DNA2: variants seen among roughly 807,000 people sequenced by gnomAD.
DNA2 encodes DNA replication ATP-dependent helicase/nuclease DNA2.
DNA2 carries 101 observed loss-of-function variants against 119.1 expected under a neutral mutation model. That is an observed-to-expected ratio of 0.85 (90% CI 0.72 to 1.00). DNA2 has a LOEUF of 1.00. Among genes scored for constraint, DNA2 ranks in the 50% least tolerant of loss-of-function variants. The pLI is 0.00. For synonymous variants in DNA2, 366 were observed against 424.4 expected, an observed-to-expected ratio of 0.86 and a Z score of 1.69; for missense variants, 1,121 against 1,255.5, an observed-to-expected ratio of 0.89 and a Z score of 1.62.
chr10:68,416,930 T>A, intron 19 of DNA2, 75 bp from the exon 20 acceptor site: 1 of 1,270,808 alleles, frequency 7.9e-7, no homozygotes, highest in Non-Finnish European at 1.1e-6. Context: ...CCCTACACAA[T>A]GGACACCTGT....
At chr10:68,425,457 G>A (rs1164518001) in intron 14 of DNA2, among the ~76,000 whole-genome samples, 3 of 146,296 alleles carry the variant, frequency 2.1e-5, no homozygotes, top group Non-Finnish European at 4.5e-5. Context: ...CTGGAGTACA[G>A]TGGCGGCGAT....
chr10:68,467,626 C>T (rs947053843), intron 3 of DNA2, among the ~76,000 whole-genome samples: 22 of 152,168 alleles, frequency 1.4e-4, no homozygotes, highest in African/African-American at 4.6e-4. Flanking sequence ...TCTCGGCTCA[C>T]TGCAACCTCC....
intron 4 of DNA2, among the ~76,000 whole-genome samples, chr10:68,465,071 T>G (rs1016699966): frequency 4.1e-5 from 6 of 147,152 alleles, no homozygotes; most frequent in Non-Finnish European, 5.9e-5. Context: ...CAGGCTGGAG[T>G]GCAGTGGTGT....
At chr10:68,417,128 CA>C (rs2133351896) in intron 19 of DNA2, among the ~76,000 whole-genome samples, 1 of 151,806 alleles carries the variant, frequency 6.6e-6, no homozygotes, top group Non-Finnish European at 1.5e-5. Flanking sequence ...CCTACGGTCC[CA>C]GCTACTCAGG....
At position 68,424,978 on chromosome 10, in the gene DNA2, T is replaced by C. The variant is rs187921877; in HGVS notation, c.2209-2088A>G. 4.8e-3 allele frequency: 2,930 copies of C among 608,242 alleles called. 30 individuals carry two copies. Among genetic ancestry groups the C allele is most frequent in the Non-Finnish European group, 5.3e-3 (1,734 of 326,702 alleles). 37.7% of individuals were successfully genotyped at this position (608,242 alleles called of 1,614,324 possible). A position where few individuals can be genotyped will look rare whatever the true frequency, so the allele number is the denominator to read the frequency against. On this transcript the variant is annotated intron_variant, in intron 14 of 20. Coordinates refer to ENST00000358410, the MANE Select transcript of DNA2 (RefSeq NM_001080449.3). ...AAAGGCAAATATAAGGAGGAACTTA[T>C]TGAGAAAATGCAGGAATAAATATAA...
At chr10:68,448,960 TGTGTGTGC>T (rs767957707) in intron 6 of DNA2, among the ~76,000 whole-genome samples, 3,898 of 123,240 alleles carry the variant, frequency 0.032, 100 homozygotes, top group East Asian at 0.14. Flanking sequence ...TGTGTGTGTG[TGTGTGTGC>T]GTGTGTGTGT....
At position 68,414,963 on chromosome 10, in the gene DNA2, G is replaced by A. The variant is rs139513967; in HGVS notation, c.*76C>T. Reference sequence around the variant, plus strand: ...ATAAATACTGCATTAAATTTTGTATGGTGATAGAATTTTCTGTATGGGCAC... The same window carrying A: ...ATAAATACTGCATTAAATTTTGTATAGTGATAGAATTTTCTGTATGGGCAC... On this transcript the variant is annotated 3_prime_UTR_variant, in exon 21 of 21. Transcript: ENST00000358410. The A allele has an allele frequency of 2.7e-3, 2,385 of 899,024 alleles. 98 individuals are homozygous for A. In the Admixed American group the frequency reaches 0.059, roughly 22 times the overall value. 55.7% of individuals were successfully genotyped at this position (899,024 alleles called of 1,614,324 possible). A position where few individuals can be genotyped will look rare whatever the true frequency, so the allele number is the denominator to read the frequency against.
chr10:68,470,326 G>A (rs576640092), intron 1 of DNA2, among the ~76,000 whole-genome samples, 163 bp from the exon 2 acceptor site: 2 of 152,342 alleles, frequency 1.3e-5, no homozygotes, highest in South Asian at 2.1e-4. Flanking sequence ...AGAGAGCAAA[G>A]ACACAGAAGA....
At chr10:68,428,091 G>A (rs2051766931) in intron 14 of DNA2, among the ~76,000 whole-genome samples, 2 of 151,486 alleles carry the variant, frequency 1.3e-5, no homozygotes, top group African/African-American at 2.4e-5. Context: ...ACTTTAGGAG[G>A]CCGAGACAGG....
intron 6 of DNA2, among the ~76,000 whole-genome samples, chr10:68,447,685 TTAAAA>T (rs1239136482): frequency 6.6e-6 from 1 of 150,788 alleles, no homozygotes; most frequent in African/African-American, 2.4e-5. Context: ...GGAGACTGTC[TTAAAA>T]TAAAAAAAAA....
chr10:68,468,878 C>T (rs10998207), intron 2 of DNA2, among the ~76,000 whole-genome samples: 27,007 of 151,726 alleles, frequency 0.18, 2,911 homozygotes, highest in African/African-American at 0.31. Context: ...GGTGAAACCC[C>T]GTCTCTACTA....
At position 68,437,128 on chromosome 10, in the gene DNA2, G is replaced by C. The variant is rs771978276; in HGVS notation, c.1529C>G (p.Thr510Arg). The change falls in exon 10 of 21, where the codon ACA becomes AGA. Residue 510 changes from threonine to arginine, a missense_variant. Coordinates refer to ENST00000358410, the MANE Select transcript of DNA2 (RefSeq NM_001080449.3). The part of the protein sequence containing the change: ...FQCKHGAIPV[T>R]NLMAGDRVIV... ...AACTCTGTCACCTGCCATTAGATTT[G>C]TGACAGGTATGGCACCATGTTTACA... 2 of 1,613,808 alleles carry C rather than the reference G, an allele frequency of 1.2e-6. No individual in the cohort carries two copies. The highest frequency in any genetic ancestry group is 1.7e-6 in the Non-Finnish European group (2 of 1,179,862).
intron 5 of DNA2, among the ~76,000 whole-genome samples, chr10:68,457,500 ATCC>A (rs1230949348): frequency 6.6e-6 from 1 of 151,974 alleles, no homozygotes; most frequent in Non-Finnish European, 1.5e-5. Context: ...CTTTCTTCTT[ATCC>A]TCCTCATTGT....
At chr10:68,421,663 GA>G (rs144113353) in intron 17 of DNA2, among the ~76,000 whole-genome samples, 5,396 of 152,032 alleles carry the variant, frequency 0.035, 290 homozygotes, top group African/African-American at 0.12. Context: ...TGAGGCAGGA[GA>G]ATCGCTTGAA....
chr10:68,436,981 C>T (rs1438679676), intron 10 of DNA2, 30 bp downstream of exon 10: 2 of 1,504,846 alleles, frequency 1.3e-6, no homozygotes, highest in Admixed American at 1.8e-5. Flanking sequence ...ATCAATAAAG[C>T]TGTTATCAAA....
At chr10:68,445,130 AT>A in intron 7 of DNA2, 47 bp from the exon 8 acceptor site, 1 of 1,516,572 alleles carries the variant, frequency 6.6e-7, no homozygotes, top group Non-Finnish European at 9.0e-7. Context: ...AATAAAGTTT[AT>A]CATGTCTTTT....
Position 68,430,522 on chromosome 10 carries a change from C to T in DNA2, c.2122G>A (p.Ala708Thr). Reference protein sequence around the residue: ...RLGQIQKVHPAIQQFTEQEIC... With the variant: ...RLGQIQKVHPTIQQFTEQEIC... ...TCTTGCTCTGTAAATTGCTGGATAGCTGGATGAACCTTCTGAATCTGACCC... is the reference window on the plus strand; with the variant it reads ...TCTTGCTCTGTAAATTGCTGGATAGTTGGATGAACCTTCTGAATCTGACCC... The change falls in exon 14 of 21, where the codon GCT becomes ACT. Residue 708 changes from alanine to threonine, a missense_variant. Physicochemically the swap from Ala to Thr is moderately conservative, Grantham distance 58. Coordinates refer to ENST00000358410, the MANE Select transcript of DNA2 (RefSeq NM_001080449.3). 1 of 1,611,800 alleles carries T rather than the reference C, an allele frequency of 6.2e-7. No homozygotes were observed. Among genetic ancestry groups the T allele is most frequent in the Non-Finnish European group, 8.5e-7 (1 of 1,178,930 alleles).
At position 68,416,778 on chromosome 10, in the gene DNA2, C is replaced by A. The variant is rs778996759; in HGVS notation, c.3045G>T (p.Gly1015=). 6.2e-7 allele frequency: 1 copy of A among 1,613,840 alleles called. No homozygotes were observed. Among genetic ancestry groups the A allele is most frequent in the South Asian group, 1.1e-5 (1 of 91,082 alleles). The part of the protein sequence containing the change: ...TRAKHKLILL[G]CVPSLNCYPP... ...GATAGCAATTTAGTGAGGGCACACA[C>A]CCCAGAAGAATCAGTTTATGTTTGG... Residue 1015 remains glycine, a synonymous_variant, in exon 20 of 21, where the codon GGG becomes GGT. Coordinates refer to ENST00000358410, the MANE Select transcript of DNA2 (RefSeq NM_001080449.3).
intron 14 of DNA2, among the ~76,000 whole-genome samples, chr10:68,428,034 G>GAA (rs565655708): frequency 1.4e-4 from 17 of 121,590 alleles, no homozygotes; most frequent in East Asian, 4.8e-4. Flanking sequence ...CTCCATCTCA[G>GAA]AAAAAAAAAA....
Sources: gnomAD v4.1 joint callset for allele counts (sites outside exome capture counted in the v4.1 genomes callset) on GRCh38, gnomAD v4.1.1 for gene constraint, MANE v1.5 for transcripts, NCBI Gene and HGNC (gene_info 2026-07-23, HGNC 2026-07-21) for gene names.